Variants in ARHGAP24 observed in about 807,000 individuals in gnomAD.
ARHGAP24 encodes the protein rho GTPase-activating protein 24.
In ARHGAP24, 50 loss-of-function variants were observed where a neutral mutation model predicts 76.4. That is an observed-to-expected ratio of 0.65 (90% CI 0.52 to 0.83). The LOEUF is 0.83. Among genes scored for constraint, ARHGAP24 ranks in the 40% least tolerant of loss-of-function variants. The probability of loss-of-function intolerance (pLI) is 0.00; values close to 1 mark genes in which losing one functional copy is unlikely to be tolerated. For missense variants in ARHGAP24, 930 were observed against 914.2 expected (o/e 1.02, Z -0.22); for synonymous variants, 345 against 323.3 (o/e 1.07, Z -0.72).
chr4:85,747,708 AAAAC>A lies in ARHGAP24; in HGVS notation c.268+25755_268+25758del, dbSNP rs10653867. 5.3e-3 allele frequency among the ~76,000 whole-genome samples: 797 copies of A among 150,748 alleles called. 6 individuals are homozygous for A. Among genetic ancestry groups the A allele is most frequent in the African/African-American group, 0.018 (721 of 40,684 alleles). ...ACAGAGCTAGACTCTGTCTAAAACA[AAAAC>A]AAACAAACAAACAAACAAGCAAAAG... On this transcript the variant is annotated intron_variant, in intron 3 of 9. Coordinates refer to ENST00000395184, the MANE Select transcript of ARHGAP24 (RefSeq NM_001025616.3).
intron 3 of ARHGAP24, among the ~76,000 whole-genome samples, chr4:85,804,476 AAGG>A (rs1228816600): frequency 1.3e-5 from 2 of 152,170 alleles, no homozygotes; most frequent in Non-Finnish European, 2.9e-5. Flanking sequence ...TGTTAACTGA[AAGG>A]AGGTCATTTT....
At chr4:85,534,744 A>G (rs1725398399) in intron 1 of ARHGAP24, among the ~76,000 whole-genome samples, 1 of 152,130 alleles carries the variant, frequency 6.6e-6, no homozygotes, top group Non-Finnish European at 1.5e-5. Flanking sequence ...CCTATTTCAG[A>G]CAGACGCTTC....
intron 2 of ARHGAP24, among the ~76,000 whole-genome samples, chr4:85,664,098 C>T (rs980725738): frequency 6.6e-6 from 1 of 151,370 alleles, no homozygotes; most frequent in Non-Finnish European, 1.5e-5. Flanking sequence ...ACCAGTTCCT[C>T]CTTGTACCTC....
intron 1 of ARHGAP24, among the ~76,000 whole-genome samples, chr4:85,531,866 CATATT>C (rs751343973): frequency 1.1e-4 from 17 of 152,046 alleles, no homozygotes; most frequent in Non-Finnish European, 1.9e-4. Flanking sequence ...CTCTCCACAG[CATATT>C]ATATCAATGA....
At chr4:85,482,593 G>A (rs893058540) in intron 1 of ARHGAP24, among the ~76,000 whole-genome samples, 2 of 152,134 alleles carry the variant, frequency 1.3e-5, no homozygotes. Context: ...CAAGAAATCA[G>A]GAGAAAAGGC....
intron 2 of ARHGAP24, among the ~76,000 whole-genome samples, chr4:85,656,674 G>A (rs1722185526): frequency 1.3e-5 from 2 of 152,002 alleles, no homozygotes; most frequent in Admixed American, 6.6e-5. Flanking sequence ...TACCATGTTG[G>A]CCAGGATGGT....
At position 85,723,794 on chromosome 4, in the gene ARHGAP24, C is replaced by T. The variant is rs1354007272; in HGVS notation, c.268+1822C>T. ...GAATCCAGTGTCTGTGTCATTCATC[C>T]TGGTCACTGGGGCTTTACTGGTGTG... On this transcript the variant is annotated intron_variant, in intron 3 of 9. Transcript: ENST00000395184. 3.9e-5 allele frequency: 6 copies of T among 152,194 alleles called. No individual in the cohort carries two copies. The East Asian group carries it at 1.2e-3, about 29-fold the overall frequency. 9.4% of individuals were successfully genotyped at this position (152,194 alleles called of 1,614,324 possible).
intron 5 of ARHGAP24, among the ~76,000 whole-genome samples, chr4:85,955,879 T>C (rs1737876523): frequency 6.6e-6 from 1 of 152,202 alleles, no homozygotes; most frequent in African/African-American, 2.4e-5. Flanking sequence ...AAATACATGA[T>C]TTCCTTCCTG....
At chr4:85,506,173 G>A (rs1281866510) in intron 1 of ARHGAP24, among the ~76,000 whole-genome samples, 1 of 152,132 alleles carries the variant, frequency 6.6e-6, no homozygotes. Flanking sequence ...ACTGGGAGGT[G>A]TCTCCCAGTT....
chr4:85,852,767 G>C (rs1731312610), intron 3 of ARHGAP24, among the ~76,000 whole-genome samples: 1 of 152,190 alleles, frequency 6.6e-6, no homozygotes, highest in South Asian at 2.1e-4. Context: ...CTGTTTGCCT[G>C]GGTATCACCT....
chr4:85,931,680 G>T (rs1736340504), intron 4 of ARHGAP24, among the ~76,000 whole-genome samples: 1 of 152,136 alleles, frequency 6.6e-6, no homozygotes, highest in African/African-American at 2.4e-5. Context: ...ATCAGTAAAA[G>T]AAACTAAGAC....
At chr4:85,516,233 C>T (rs561307239) in intron 1 of ARHGAP24, among the ~76,000 whole-genome samples, 2 of 152,312 alleles carry the variant, frequency 1.3e-5, no homozygotes, top group South Asian at 4.1e-4. Flanking sequence ...GATCTGGTCC[C>T]TACCTTGAGC....
chr4:85,514,843 A>AAAT (rs1379272581), intron 1 of ARHGAP24, among the ~76,000 whole-genome samples: 1 of 146,584 alleles, frequency 6.8e-6, no homozygotes, highest in Non-Finnish European at 1.5e-5. Flanking sequence ...AAAAAAAAAA[A>AAAT]GTGATATTGT....
chr4:85,877,957 G>A (rs1252706935), intron 3 of ARHGAP24, among the ~76,000 whole-genome samples: 1 of 151,984 alleles, frequency 6.6e-6, no homozygotes, highest in Admixed American at 6.6e-5. Context: ...ATATTAAAAT[G>A]GTTTAAGAAG....
intron 3 of ARHGAP24, among the ~76,000 whole-genome samples, chr4:85,788,378 AT>A (rs1727954332): frequency 6.6e-6 from 1 of 152,284 alleles, no homozygotes; most frequent in Non-Finnish European, 1.5e-5. Flanking sequence ...TAAACCAATC[AT>A]TTTTAGCTAT....
Position 85,540,960 on chromosome 4 carries a change from A to G in ARHGAP24, c.-20-29562A>G, listed in dbSNP as rs573524958. Among the ~76,000 whole-genome samples, 8 of 122,044 alleles carry G rather than the reference A, an allele frequency of 6.6e-5. No individual in the cohort carries two copies. In the South Asian group the frequency reaches 1.1e-3, roughly 16 times the overall value. The allele number at this position is 122,044 out of a possible 152,430, so 80.1% of individuals were successfully genotyped here. ...GTTACTGTGCAGTTTACTAAAGATAATGTGTCCCTCTGGGCTTAATATATA... is the reference window on the plus strand; with the variant it reads ...GTTACTGTGCAGTTTACTAAAGATAGTGTGTCCCTCTGGGCTTAATATATA... On this transcript the variant is annotated intron_variant, in intron 1 of 9. Transcript: ENST00000395184.
rs184326936 is a variant in ARHGAP24, at chr4:85,702,010, T to C, written c.181-19875T>C. ...GAGTCTAAGGAAGACTGTCCAAAAG[T>C]CCATCAACCCATGGTACATATTTTT... On this transcript the variant is annotated intron_variant, in intron 2 of 9. Transcript: ENST00000395184. 2.4e-4 allele frequency among the ~76,000 whole-genome samples: 37 copies of C among 152,268 alleles called. No individual in the cohort carries two copies. In the Middle Eastern group the frequency reaches 0.01, roughly 42 times the overall value.
At chr4:85,857,528 T>G (rs1345996772) in intron 3 of ARHGAP24, among the ~76,000 whole-genome samples, 1 of 152,206 alleles carries the variant, frequency 6.6e-6, no homozygotes, top group East Asian at 1.9e-4. Flanking sequence ...CCCAACCCAT[T>G]TATTTTTCCT....
intron 2 of ARHGAP24, among the ~76,000 whole-genome samples, chr4:85,610,914 T>A (rs1308327520): frequency 6.6e-6 from 1 of 152,070 alleles, no homozygotes; most frequent in African/African-American, 2.4e-5. Flanking sequence ...TCTACAGATA[T>A]GAAAGAAATA....
Sources: gnomAD v4.1 joint callset for allele counts (sites outside exome capture counted in the v4.1 genomes callset) on GRCh38, gnomAD v4.1.1 for gene constraint, MANE v1.5 for transcripts, NCBI Gene and HGNC (gene_info 2026-07-23, HGNC 2026-07-21) for gene names.